The following PIP4K2B variants were observed in gnomAD, a reference collection of about 807,000 sequenced individuals.
PIP4K2B encodes phosphatidylinositol 5-phosphate 4-kinase type-2 beta.
A neutral mutation model predicts 42.0 loss-of-function variants in PIP4K2B; 3 were observed. The observed-to-expected ratio is 0.07, with a 90% CI of 0.03 to 0.18. PIP4K2B has a LOEUF of 0.18. Ranked by LOEUF, PIP4K2B falls within the 10% of genes least tolerant of loss-of-function variation. The probability of loss-of-function intolerance (pLI) is 1.00; values close to 1 mark genes in which losing one functional copy is unlikely to be tolerated. For synonymous variants in PIP4K2B, 204 were observed against 210.1 expected (o/e 0.97, Z 0.25); for missense variants, 332 against 562.3 (o/e 0.59, Z 4.14).
intron 1 of PIP4K2B, 38 bp from the exon 2 acceptor site, chr17:38,786,958 G>A (rs752967468): frequency 7.5e-7 from 1 of 1,329,150 alleles, no homozygotes; most frequent in Non-Finnish European, 1.1e-6. Context: ...TCAGCCAGGA[G>A]GCCACCTGCC....
At chr17:38,772,420 G>A (rs943770160) in intron 7 of PIP4K2B, among the ~76,000 whole-genome samples, 11 of 152,118 alleles carry the variant, frequency 7.2e-5, no homozygotes, top group African/African-American at 1.2e-4. Flanking sequence ...ATGCACTAAC[G>A]TCCCATTAGT....
At chr17:38,796,987 C>A (rs535892959) in intron 1 of PIP4K2B, among the ~76,000 whole-genome samples, 2 of 152,258 alleles carry the variant, frequency 1.3e-5, no homozygotes, top group Admixed American at 6.5e-5. Context: ...CAAATGGGGA[C>A]ACTGAAGTAT....
chr17:38,793,264 A>G lies in PIP4K2B; in HGVS notation c.159+6002T>C, dbSNP rs1172850813. The stretch of plus-strand genomic sequence containing the variant: ...ATTTTTTCTTTTTTTTTTTTTTTTG[A>G]GACGGAGTTTTGCTCGTCACCCAGG... On this transcript the variant is annotated intron_variant, in intron 1 of 9. Transcript: ENST00000619039. Among the ~76,000 whole-genome samples the G allele has an allele frequency of 8.7e-5, 11 of 126,732 alleles. No homozygotes were observed. In the East Asian group the frequency reaches 2.2e-3, roughly 25 times the overall value. The allele number at this position is 126,732 out of a possible 152,430, so 83.1% of individuals were successfully genotyped here. A position where few individuals can be genotyped will look rare whatever the true frequency, so the allele number is the denominator to read the frequency against.
In PIP4K2B at chr17:38,777,711, C is replaced by A. The variant is rs139563308; in HGVS notation, c.783G>T (p.Leu261=). 411 of 1,613,474 alleles carry A rather than the reference C, an allele frequency of 2.5e-4. No homozygotes were observed. The highest frequency in any genetic ancestry group is 1.2e-3 in the Middle Eastern group (7 of 6,062). Residue 261 remains leucine (L), a synonymous_variant, in exon 7 of 10, where the codon CTG becomes CTT. Transcript: ENST00000619039. ...HVGEESKKNF[L]EKLKRDVEFL... is the part of the protein sequence containing the mutation. ...CCTCAACGTCCCGCTTCAGTTTCTC[C>A]AGGAAGTTCTTTTTACTCTCCTCTC...
At position 38,786,938 on chromosome 17, in the gene PIP4K2B, C is replaced by T. The variant is rs138527864; in HGVS notation, c.160-18G>A. On this transcript the variant is annotated intron_variant, in intron 1 of 9. Coordinates refer to ENST00000619039, the MANE Select transcript of PIP4K2B (RefSeq NM_003559.5). The stretch of plus-strand genomic sequence containing the variant: ...TCATTGATCTGAAAAGCAAGGAGAA[C>T]GTAAGGCTCTCAGCCAGGAGGCCAC... 3.1e-5 allele frequency: 48 copies of T among 1,565,460 alleles called. No homozygotes were observed. The highest frequency in any genetic ancestry group is 2.2e-4 in the Admixed American group (13 of 59,944).
chr17:38,771,748 G>A (rs1435455031), intron 7 of PIP4K2B, among the ~76,000 whole-genome samples: 1 of 152,134 alleles, frequency 6.6e-6, no homozygotes, highest in Non-Finnish European at 1.5e-5. Context: ...GGCCATGGTG[G>A]CTGGGCACGG....
rs1317094231 is a variant in PIP4K2B at position 38,799,460 on chromosome 17, G to A, written c.-36C>T. The stretch of plus-strand genomic sequence containing the variant: ...GCGGCGGCGGCGGCGAAAGAGGGGG[G>A]CGGCGGAGACAGCGCACAAGCCAGC... On this transcript the variant is annotated 5_prime_UTR_variant, in exon 1 of 10. Coordinates refer to ENST00000619039, the MANE Select transcript of PIP4K2B (RefSeq NM_003559.5). This position sits in a 1 kb window ranked among gnomAD's most constrained non-coding sequence, Gnocchi z 4.4. 1.2e-5 allele frequency: 18 copies of A among 1,532,980 alleles called. No individual in the cohort carries two copies. The highest frequency in any genetic ancestry group is 2.5e-5 in the East Asian group (1 of 40,466). The allele number at this position is 1,532,980 out of a possible 1,614,324, so 95.0% of individuals were successfully genotyped here.
chr17:38,791,716 C>T (rs978979918), intron 1 of PIP4K2B, among the ~76,000 whole-genome samples: 2 of 150,130 alleles, frequency 1.3e-5, no homozygotes, highest in Non-Finnish European at 3.0e-5. Context: ...GCCAGACTGC[C>T]AAATTTCTAT....
chr17:38,771,797 T>C (rs1403112038), intron 7 of PIP4K2B, among the ~76,000 whole-genome samples: 1 of 151,918 alleles, frequency 6.6e-6, no homozygotes, highest in African/African-American at 2.4e-5. Context: ...GGGAGGCCAA[T>C]TAAGGAGGAT....
chr17:38,784,668 C>G (rs1473914257), intron 2 of PIP4K2B, among the ~76,000 whole-genome samples: 1 of 152,176 alleles, frequency 6.6e-6, no homozygotes, highest in Non-Finnish European at 1.5e-5. Context: ...AACAAACACT[C>G]CAGGTGATTC....
intron 1 of PIP4K2B, among the ~76,000 whole-genome samples, chr17:38,793,902 G>A (rs1349988988): frequency 6.6e-6 from 1 of 151,484 alleles, no homozygotes; most frequent in Non-Finnish European, 1.5e-5. Flanking sequence ...AAACAAGAAA[G>A]AAAGAAAATG....
rs1323662619 is a variant in PIP4K2B at position 38,767,902 on chromosome 17, T to C, written c.*1789A>G. 1 of 152,246 alleles carries C rather than the reference T, an allele frequency of 6.6e-6. No individual in the cohort carries two copies. The highest frequency in any genetic ancestry group is 1.5e-5 in the Non-Finnish European group (1 of 68,048). The allele number at this position is 152,246 out of a possible 1,614,324, so 9.4% of individuals were successfully genotyped here. On this transcript the variant is annotated 3_prime_UTR_variant, in exon 10 of 10. Transcript: ENST00000619039. ...GTTGTTCAGACCTACCTATGGCCCC[T>C]TCCTGGGGCCAAGGCAGTGGTTTGA...
intron 6 of PIP4K2B, among the ~76,000 whole-genome samples, 183 bp downstream of exon 6, chr17:38,778,151 G>A (rs147145146): frequency 3.3e-4 from 51 of 152,328 alleles, no homozygotes; most frequent in African/African-American, 1.1e-3. Context: ...TAAAAGACCA[G>A]AGACCAAGGT....
In PIP4K2B at chr17:38,784,356, A is replaced by C. The variant is rs775085990; in HGVS notation, c.258-17T>G. On this transcript the variant is annotated splice_polypyrimidine_tract_variant and intron_variant, in intron 2 of 9. Transcript: ENST00000619039. ...AGGTTCTCCCTAGGGAAAAGCAGAG[A>C]TATGTCTTTGTGAACTGCCCCTTGC... The C allele has an allele frequency of 9.4e-6, 14 of 1,481,634 alleles. No homozygotes were observed. Among genetic ancestry groups the C allele is most frequent in the South Asian group, 4.5e-5 (4 of 88,314 alleles). 91.8% of individuals were successfully genotyped at this position (1,481,634 alleles called of 1,614,324 possible).
chr17:38,795,232 T>G (rs538154736), intron 1 of PIP4K2B, among the ~76,000 whole-genome samples: 47 of 150,268 alleles, frequency 3.1e-4, no homozygotes, highest in African/African-American at 8.8e-4. Flanking sequence ...AACTCAATAA[T>G]AAGAAGATAA....
intron 2 of PIP4K2B, 145 bp from the exon 3 acceptor site, chr17:38,784,484 C>A: frequency 1.8e-6 from 1 of 561,644 alleles, no homozygotes; most frequent in South Asian, 2.4e-5. Context: ...GATCCTCCCA[C>A]CTCAGCCTCC....
chr17:38,792,151 C>CTCGATTGATTGA (rs1567662675), intron 1 of PIP4K2B, among the ~76,000 whole-genome samples: 1 of 151,208 alleles, frequency 6.6e-6, no homozygotes, highest in African/African-American at 2.4e-5. Context: ...ATGAAAATTC[C>CTCGATTGATTGA]TTGATTGATT....
At position 38,777,720 on chromosome 17, in the gene PIP4K2B, C is replaced by A; in HGVS notation, c.774G>T (p.Lys258Asn). Residue 258 changes from lysine to asparagine, a missense_variant, in exon 7 of 10, where the codon AAG becomes AAT. Lys to Asn is a moderately conservative substitution (Grantham distance 94). Transcript: ENST00000619039. The part of the protein sequence containing the change: ...QKLHVGEESK[K>N]NFLEKLKRDV... ...CCCGCTTCAGTTTCTCCAGGAAGTTCTTTTTACTCTCCTCTCCCACATGCA... is the reference window on the plus strand; with the variant it reads ...CCCGCTTCAGTTTCTCCAGGAAGTTATTTTTACTCTCCTCTCCCACATGCA... 1 of 1,613,970 alleles carries A rather than the reference C, an allele frequency of 6.2e-7. No homozygotes were observed. Among genetic ancestry groups the A allele is most frequent in the Non-Finnish European group, 8.5e-7 (1 of 1,179,826 alleles).
intron 1 of PIP4K2B, among the ~76,000 whole-genome samples, chr17:38,790,041 C>T (rs1255765268): frequency 1.3e-5 from 2 of 152,122 alleles, no homozygotes; most frequent in African/African-American, 4.8e-5. Context: ...GTTACATGAG[C>T]AAATACATTT....
Sources: gnomAD v4.1 joint callset for allele counts (sites outside exome capture counted in the v4.1 genomes callset) on GRCh38, gnomAD v4.1.1 for gene constraint, Gnocchi (gnomAD v3.1) non-coding constraint, MANE v1.5 for transcripts, NCBI Gene and HGNC (gene_info 2026-07-23, HGNC 2026-07-21) for gene names.